The following GALK2 variants were observed in gnomAD, a reference collection of about 807,000 sequenced individuals.
GALK2 encodes the protein galactokinase 2.
A neutral mutation model predicts 52.4 loss-of-function variants in GALK2; 36 were observed. That is an observed-to-expected ratio of 0.69 (90% confidence interval 0.53 to 0.91). The LOEUF is 0.91. GALK2 is among the 40% of genes least tolerant of loss of function. GALK2 has a pLI of 0.00. For synonymous variants in GALK2, 176 were observed against 199.1 expected (o/e 0.88, Z 0.98); for missense variants, 579 against 559.1 (o/e 1.04, Z -0.36).
intron 1 of GALK2, among the ~76,000 whole-genome samples, chr15:49,187,485 G>A (rs1039077951): frequency 6.6e-6 from 1 of 152,144 alleles, no homozygotes. Context: ...GGCAAACCCA[G>A]CCAGACTTGT....
At chr15:49,210,589 A>G (rs962544066) in intron 2 of GALK2, among the ~76,000 whole-genome samples, 3 of 151,548 alleles carry the variant, frequency 2.0e-5, no homozygotes, top group Non-Finnish European at 4.4e-5. Context: ...ACAGGCACCC[A>G]CCACCATGCT....
At chr15:49,277,399 A>C (rs1017728671) in intron 5 of GALK2, among the ~76,000 whole-genome samples, 1 of 139,818 alleles carries the variant, frequency 7.2e-6, no homozygotes, top group Non-Finnish European at 1.6e-5. Flanking sequence ...CGATCTCCTG[A>C]CCTCGTGATC....
chr15:49,271,911 C>T (rs1410630740), intron 5 of GALK2, among the ~76,000 whole-genome samples: 1 of 152,218 alleles, frequency 6.6e-6, no homozygotes, highest in Admixed American at 6.5e-5. Flanking sequence ...GCAACGTACA[C>T]GTTTTTTAAC....
At chr15:49,271,325 C>T (rs987146795) in intron 5 of GALK2, among the ~76,000 whole-genome samples, 1 of 152,108 alleles carries the variant, frequency 6.6e-6, no homozygotes, top group African/African-American at 2.4e-5. Context: ...CTCCTCTTCC[C>T]AGTAGTAGTT....
At chr15:49,264,316 C>T (rs949327096) in intron 5 of GALK2, among the ~76,000 whole-genome samples, 1 of 152,076 alleles carries the variant, frequency 6.6e-6, no homozygotes, top group Non-Finnish European at 1.5e-5. Flanking sequence ...TCATTTCATT[C>T]ATTTCATCTT....
intron 8 of GALK2, among the ~76,000 whole-genome samples, chr15:49,315,029 G>T (rs2036289975): frequency 6.6e-6 from 1 of 152,214 alleles, no homozygotes; most frequent in Non-Finnish European, 1.5e-5. Flanking sequence ...AAAATTATTA[G>T]CAACAAAATG....
intron 8 of GALK2, among the ~76,000 whole-genome samples, chr15:49,301,026 T>C (rs1873132855): frequency 6.6e-6 from 1 of 152,196 alleles, no homozygotes; most frequent in Non-Finnish European, 1.5e-5. Context: ...TGAATTCCCT[T>C]AGGCTTTGCT....
At chr15:49,249,973 A>G (rs753134776) in intron 5 of GALK2, among the ~76,000 whole-genome samples, 3 of 152,290 alleles carry the variant, frequency 2.0e-5, no homozygotes, top group East Asian at 3.9e-4. Flanking sequence ...TTGCTAGCCA[A>G]TTGGGACAAA....
At chr15:49,176,906 C>T (rs989265816) in intron 1 of GALK2, among the ~76,000 whole-genome samples, 6 of 152,112 alleles carry the variant, frequency 3.9e-5, no homozygotes, top group Non-Finnish European at 8.8e-5. Flanking sequence ...AAAGAAAATA[C>T]CACTTTTTCC....
chr15:49,257,772 G>A (rs1160187153), intron 5 of GALK2, among the ~76,000 whole-genome samples: 2 of 151,800 alleles, frequency 1.3e-5, no homozygotes, highest in Non-Finnish European at 2.9e-5. Context: ...CATCTTAAAT[G>A]GGTGAAACTA....
At chr15:49,174,975 T>C (rs1012698167) in intron 1 of GALK2, among the ~76,000 whole-genome samples, 4 of 151,962 alleles carry the variant, frequency 2.6e-5, no homozygotes, top group Non-Finnish European at 5.9e-5. Context: ...TAACTTCGAG[T>C]AGGGAAGAGG....
At chr15:49,365,952 T>C (rs925683817) in intron 3 of GALK2, 8 of 885,914 alleles carry the variant, frequency 9.0e-6, no homozygotes, top group Non-Finnish European at 1.5e-5. Flanking sequence ...TAACATAAAC[T>C]AACCATTTGT....
chr15:49,365,673 G>C, intron 3 of GALK2: 1 of 993,532 alleles, frequency 1.0e-6, no homozygotes, highest in South Asian at 1.3e-5. Context: ...CACATGACTT[G>C]AAGCTGGCCA....
chr15:49,366,501 T>C, intron 3 of GALK2: 1 of 1,269,240 alleles, frequency 7.9e-7, no homozygotes. Flanking sequence ...ATCAAACTAA[T>C]GGAAGTTGCA....
chr15:49,342,611 T>C lies in GALK2; in HGVS notation c.426+22806T>C, dbSNP rs551653116. 6.6e-5 allele frequency among the ~76,000 whole-genome samples: 10 copies of C among 152,314 alleles called. No homozygotes were observed. In the South Asian group the frequency reaches 1.4e-3, roughly 22 times the overall value. ...TTGCTTTGTAGTTTCTATTGTGTCATTGGTTTATAGTATCTGTGGCTATAT... is the reference window on the plus strand; with the variant it reads ...TTGCTTTGTAGTTTCTATTGTGTCACTGGTTTATAGTATCTGTGGCTATAT... On this transcript the variant is annotated intron_variant, in intron 3 of 3. Transcript: ENST00000558399.
exon 1 of GALK2, chr15:49,155,932 A>G (rs1162885581): frequency 4.5e-6 from 7 of 1,571,292 alleles, no homozygotes; most frequent in Non-Finnish European, 6.1e-6. Flanking sequence ...CTCTGGACGC[A>G]TCTCATTCCG....
At chr15:49,261,772 C>T (rs1327176524) in intron 5 of GALK2, among the ~76,000 whole-genome samples, 1 of 152,026 alleles carries the variant, frequency 6.6e-6, no homozygotes, top group African/African-American at 2.4e-5. Context: ...GAGTTTTTAG[C>T]ATGAAGGGTT....
intron 8 of GALK2, among the ~76,000 whole-genome samples, chr15:49,314,045 C>T (rs1385130368): frequency 6.6e-6 from 1 of 152,210 alleles, no homozygotes; most frequent in Middle Eastern, 3.2e-3. Flanking sequence ...CAGTGTGCCT[C>T]ACCTGTCAAA....
At chr15:49,160,773 C>T (rs1266773137) in intron 1 of GALK2, among the ~76,000 whole-genome samples, 1 of 151,950 alleles carries the variant, frequency 6.6e-6, no homozygotes, top group African/African-American at 2.4e-5. Flanking sequence ...GATGCTGAGG[C>T]AGGAGAATCG....
Sources: gnomAD v4.1 joint callset for allele counts (sites outside exome capture counted in the v4.1 genomes callset) on GRCh38, gnomAD v4.1.1 for gene constraint, MANE v1.5 for transcripts, NCBI Gene and HGNC (gene_info 2026-07-23, HGNC 2026-07-21) for gene names.